The following FAM124B variants were observed in gnomAD, a reference collection of about 807,000 sequenced individuals.
FAM124B encodes the protein protein FAM124B.
In FAM124B, 18 loss-of-function variants were observed where a neutral mutation model predicts 19.7. The ratio of observed to expected loss-of-function variants is 0.92; its 90% CI spans 0.63 to 1.36. The LOEUF is 1.36. Among genes scored for constraint, FAM124B ranks in the 40% most tolerant of loss-of-function variants. FAM124B has a pLI of 0.00. For synonymous variants in FAM124B, 223 were observed against 225.2 expected (o/e 0.99, Z 0.09); for missense variants, 540 against 553.3 (o/e 0.98, Z 0.24).
At chr2:224,384,967 A>C (rs1054904717) in intron 1 of FAM124B, among the ~76,000 whole-genome samples, 3 of 151,974 alleles carry the variant, frequency 2.0e-5, no homozygotes, top group African/African-American at 7.3e-5. Flanking sequence ...AAACTTGTTC[A>C]AGTCTCGTGT....
rs776817865 is a variant in FAM124B, at chr2:224,398,958, CAGAG to C, written c.732+2075_732+2078del. Among the ~76,000 whole-genome samples, 22 of 152,340 alleles carry C rather than the reference CAGAG, an allele frequency of 1.4e-4. No individual in the cohort carries two copies. In the East Asian group the frequency reaches 2.5e-3, roughly 17 times the overall value. On this transcript the variant is annotated intron_variant, in intron 1 of 1. Coordinates refer to ENST00000409685, the MANE Select transcript of FAM124B (RefSeq NM_001122779.2). ...CACCATTGCACTCCAGCCTGAGCAA[CAGAG>C]AGAGACTCTGTCTCAAAAACAAAAG...
rs531030545 is a variant in FAM124B, at chr2:224,393,662, G to A, written c.732+7375C>T. Reference sequence around the variant, plus strand: ...AGTTTGGCCTGGAGCACCTCCAGGAGAAGTGGGTAAAGAAGACTTGGAGGA... The same window carrying A: ...AGTTTGGCCTGGAGCACCTCCAGGAAAAGTGGGTAAAGAAGACTTGGAGGA... On this transcript the variant is annotated intron_variant, in intron 1 of 1. Coordinates refer to ENST00000409685, the MANE Select transcript of FAM124B (RefSeq NM_001122779.2). Among the ~76,000 whole-genome samples the A allele has an allele frequency of 3.3e-5, 5 of 152,266 alleles. No homozygotes were observed. The South Asian group carries it at 1.0e-3, about 32-fold the overall frequency.
chr2:224,388,203 GA>G (rs1216442753), intron 1 of FAM124B, among the ~76,000 whole-genome samples: 1 of 152,188 alleles, frequency 6.6e-6, no homozygotes, highest in African/African-American at 2.4e-5. Context: ...ATTTAGGTAT[GA>G]AATGTTCTAG....
intron 1 of FAM124B, among the ~76,000 whole-genome samples, chr2:224,386,293 C>T (rs1056546390): frequency 6.6e-5 from 10 of 152,088 alleles, no homozygotes; most frequent in African/African-American, 1.9e-4. Context: ...GGATGTGCAT[C>T]CTCTAGCCCT....
At chr2:224,385,853 C>T (rs1451825138) in intron 1 of FAM124B, among the ~76,000 whole-genome samples, 2 of 152,188 alleles carry the variant, frequency 1.3e-5, no homozygotes, top group Non-Finnish European at 2.9e-5. Context: ...GCTGACATTC[C>T]ACTCTCTCTG....
intron 1 of FAM124B, among the ~76,000 whole-genome samples, chr2:224,390,017 C>T (rs958807057): frequency 6.6e-6 from 1 of 151,768 alleles, no homozygotes; most frequent in Non-Finnish European, 1.5e-5. Flanking sequence ...CAGGACACCC[C>T]CCACAACAAA....
At chr2:224,399,131 C>A (rs1690021838) in intron 1 of FAM124B, among the ~76,000 whole-genome samples, 1 of 152,224 alleles carries the variant, frequency 6.6e-6, no homozygotes, top group Non-Finnish European at 1.5e-5. Context: ...TGTGACTCAA[C>A]TTTCCAAAGT....
At chr2:224,396,938 A>G (rs978490577) in intron 1 of FAM124B, among the ~76,000 whole-genome samples, 5 of 152,174 alleles carry the variant, frequency 3.3e-5, no homozygotes, top group Non-Finnish European at 7.4e-5. Context: ...TCCTGAGCAC[A>G]CTGTGTAAGG....
intron 1 of FAM124B, among the ~76,000 whole-genome samples, chr2:224,386,716 G>T (rs1415433729): frequency 6.6e-6 from 1 of 152,132 alleles, no homozygotes; most frequent in Non-Finnish European, 1.5e-5. Context: ...CACCTTCTTT[G>T]TTATCGTATG....
chr2:224,388,930 ATTCT>A (rs1689839843), intron 1 of FAM124B, among the ~76,000 whole-genome samples: 1 of 151,868 alleles, frequency 6.6e-6, no homozygotes. Flanking sequence ...GCAAAGGGAG[ATTCT>A]TTTTTTTATT....
At chr2:224,383,036 T>C (rs796526429) in intron 1 of FAM124B, among the ~76,000 whole-genome samples, 116 of 152,214 alleles carry the variant, frequency 7.6e-4, no homozygotes, top group African/African-American at 2.6e-3. Context: ...GGCGACACTG[T>C]TGAAGGGATG....
intron 1 of FAM124B, among the ~76,000 whole-genome samples, chr2:224,383,722 G>C (rs1343519700): frequency 6.6e-6 from 1 of 152,062 alleles, no homozygotes; most frequent in Non-Finnish European, 1.5e-5. Flanking sequence ...TGTCAGCTGG[G>C]GTTTCCCTTC....
At chr2:224,386,204 T>C (rs767642616) in intron 1 of FAM124B, among the ~76,000 whole-genome samples, 18 of 152,210 alleles carry the variant, frequency 1.2e-4, no homozygotes, top group Admixed American at 3.3e-4. Context: ...CTTTCTCCCT[T>C]TCAGCCTCCA....
chr2:224,380,244 A>G (rs1559306883), intron 1 of FAM124B, 36 bp from the exon 2 acceptor site: 3 of 1,490,230 alleles, frequency 2.0e-6, no homozygotes, highest in Non-Finnish European at 2.7e-6. Context: ...ATGAAACATA[A>G]TTTCCATTAA....
chr2:224,382,338 T>C (rs866560135), intron 1 of FAM124B, among the ~76,000 whole-genome samples: 1 of 151,608 alleles, frequency 6.6e-6, no homozygotes, highest in African/African-American at 2.4e-5. Flanking sequence ...CATATAAAAA[T>C]AGAAAACTAT....
intron 1 of FAM124B, among the ~76,000 whole-genome samples, chr2:224,387,041 T>C (rs1559308782): frequency 6.6e-6 from 1 of 152,184 alleles, no homozygotes; most frequent in Admixed American, 6.5e-5. Context: ...GTAAGGTTAT[T>C]AACATAGAAA....
At chr2:224,390,284 C>T (rs1689860857) in intron 1 of FAM124B, among the ~76,000 whole-genome samples, 1 of 151,962 alleles carries the variant, frequency 6.6e-6, no homozygotes, top group Non-Finnish European at 1.5e-5. Flanking sequence ...GATGTCTTAT[C>T]CTCAAGCACT....
At chr2:224,401,007 T>G (rs1168419431) in intron 1 of FAM124B, 30 bp downstream of exon 1, 1 of 1,557,460 alleles carries the variant, frequency 6.4e-7, no homozygotes, top group Non-Finnish European at 8.7e-7. Context: ...TCCATGAGCC[T>G]CTACAAGATC....
chr2:224,401,729 G>T lies in FAM124B; in HGVS notation c.40C>A (p.Leu14Ile). ...TQGPLAMTVH[L>I]LANSGHGSLL... ...GAGCCGTGCCCAGAGTTGGCAAGAA[G>T]ATGGACAGTCATGGCCAGAGGCCCC... The change falls in exon 1 of 2, where the codon CTT (leucine) becomes ATT (isoleucine). Residue 14 changes from leucine (L) to isoleucine (I), a missense_variant. Transcript: ENST00000409685. The T allele has an allele frequency of 6.2e-7, 1 of 1,614,102 alleles. No individual in the cohort carries two copies. Among genetic ancestry groups the T allele is most frequent in the Non-Finnish European group, 8.5e-7 (1 of 1,180,048 alleles).
Sources: gnomAD v4.1 joint callset for allele counts (sites outside exome capture counted in the v4.1 genomes callset) on GRCh38, gnomAD v4.1.1 for gene constraint, MANE v1.5 for transcripts, NCBI Gene and HGNC (gene_info 2026-07-23, HGNC 2026-07-21) for gene names.